Variants in LGSN observed in about 807,000 individuals in gnomAD.
LGSN encodes the protein lengsin, lens protein with glutamine synthetase domain.
LGSN carries 21 observed loss-of-function variants against 19.5 expected under a neutral mutation model. The observed-to-expected ratio is 1.07, with a 90% CI of 0.76 to 1.55. LGSN has a LOEUF of 1.55. Ranked by LOEUF, LGSN falls within the 40% of genes most tolerant of loss-of-function variation. The probability of loss-of-function intolerance (pLI) is 0.00; values close to 1 mark genes in which losing one functional copy is unlikely to be tolerated. For missense variants in LGSN, 673 were observed against 608.5 expected (o/e 1.11, Z -1.12); for synonymous variants, 257 against 215.6 (o/e 1.19, Z -1.68).
chr6:63,493,945 T>G, the LGSN span, among the ~76,000 whole-genome samples: 1 of 140,276 alleles, frequency 7.1e-6, no homozygotes, highest in Non-Finnish European at 1.5e-5. Context: ...AAAGAAGAAA[T>G]CATTTCTTTT....
chr6:63,474,255 G>A, the LGSN span, among the ~76,000 whole-genome samples: 4 of 152,164 alleles, frequency 2.6e-5, no homozygotes, highest in Non-Finnish European at 5.9e-5. Flanking sequence ...ATCACTATAT[G>A]TGGACAGCTG....
chr6:63,289,766 T>G (rs910133720), intron 2 of LGSN, among the ~76,000 whole-genome samples: 6 of 152,118 alleles, frequency 3.9e-5, no homozygotes, highest in African/African-American at 1.2e-4. Flanking sequence ...ATTGAAGAGA[T>G]GTTTGGGCTT....
At chr6:63,333,409 C>A in the LGSN span, among the ~76,000 whole-genome samples, 1 of 142,960 alleles carries the variant, frequency 7.0e-6, no homozygotes, top group Non-Finnish European at 1.5e-5. Context: ...ACCCTGGCAC[C>A]AAAACCAGGC....
the LGSN span, among the ~76,000 whole-genome samples, chr6:63,566,836 A>G: frequency 6.6e-6 from 1 of 152,200 alleles, no homozygotes; most frequent in Non-Finnish European, 1.5e-5. Context: ...CAAAGTTGCA[A>G]TCAGTCCTCT....
chr6:63,501,365 A>AG, the LGSN span, among the ~76,000 whole-genome samples: 1 of 150,906 alleles, frequency 6.6e-6, no homozygotes, highest in Non-Finnish European at 1.5e-5. Context: ...TTCGTCTCAA[A>AG]AAAAAAAAAA....
chr6:63,402,670 G>A, the LGSN span, among the ~76,000 whole-genome samples: 1 of 152,112 alleles, frequency 6.6e-6, no homozygotes, highest in African/African-American at 2.4e-5. Flanking sequence ...GTTAATAATT[G>A]AGCAATCTGG....
the LGSN span, among the ~76,000 whole-genome samples, chr6:63,367,363 G>A: frequency 3.3e-5 from 5 of 152,198 alleles, no homozygotes; most frequent in African/African-American, 1.2e-4. Context: ...CTGATCATCA[G>A]AGAAATGCAA....
rs1480028185 is a variant in LGSN at position 63,276,621 on chromosome 6, A to C, written c.*3400T>G. The C allele has an allele frequency of 2.0e-5, 3 of 152,184 alleles. No homozygotes were observed. Among genetic ancestry groups the C allele is most frequent in the Admixed American group, 2.0e-4 (3 of 15,282 alleles). 9.4% of individuals were successfully genotyped at this position (152,184 alleles called of 1,614,324 possible). ...TTTCCAAATAGCTTTTTTCAGCATT[A>C]GGTCTACAAAAAAAATTATTTATGT... is the stretch of plus-strand genomic sequence containing the variant. On this transcript the variant is annotated 3_prime_UTR_variant, in exon 4 of 4. Transcript: ENST00000370657.
the LGSN span, among the ~76,000 whole-genome samples, chr6:63,501,789 T>C: frequency 6.6e-6 from 1 of 152,162 alleles, no homozygotes; most frequent in African/African-American, 2.4e-5. Flanking sequence ...TAACAGAACA[T>C]TACTGTAAAT....
the LGSN span, among the ~76,000 whole-genome samples, chr6:63,432,159 A>G: frequency 2.5e-5 from 3 of 117,810 alleles, no homozygotes; most frequent in Non-Finnish European, 5.0e-5. Flanking sequence ...GAAAGAAAGA[A>G]AGAAAGAAAG....
chr6:63,476,741 G>C, the LGSN span, among the ~76,000 whole-genome samples: 1 of 152,232 alleles, frequency 6.6e-6, no homozygotes, highest in Non-Finnish European at 1.5e-5. Context: ...AGGAGACCCA[G>C]CCTTGGAAGT....
At chr6:63,425,838 T>C in the LGSN span, among the ~76,000 whole-genome samples, 5 of 152,096 alleles carry the variant, frequency 3.3e-5, no homozygotes, top group Middle Eastern at 3.4e-3. Flanking sequence ...AGAAATATAC[T>C]GTATCTTGAC....
chr6:63,455,507 C>T, the LGSN span, among the ~76,000 whole-genome samples: 1 of 152,212 alleles, frequency 6.6e-6, no homozygotes, highest in Non-Finnish European at 1.5e-5. Context: ...GTAATCCTAG[C>T]ACTTTGGGAG....
At chr6:63,302,900 G>A (rs1330547657) in intron 1 of LGSN, among the ~76,000 whole-genome samples, 1 of 152,136 alleles carries the variant, frequency 6.6e-6, no homozygotes, top group Non-Finnish European at 1.5e-5. Context: ...GCCGAGGTAG[G>A]TGGATCACTC....
chr6:63,391,903 C>T, the LGSN span, among the ~76,000 whole-genome samples: 10 of 152,140 alleles, frequency 6.6e-5, no homozygotes, highest in African/African-American at 1.2e-4. Flanking sequence ...CATGGGTTGA[C>T]GCACAGAGCA....
chr6:63,423,223 G>A, the LGSN span, among the ~76,000 whole-genome samples: 9 of 152,310 alleles, frequency 5.9e-5, no homozygotes, highest in East Asian at 3.9e-4. Flanking sequence ...GTGCCAATCC[G>A]TAGACCCAGC....
At chr6:63,444,127 G>A in the LGSN span, among the ~76,000 whole-genome samples, 5 of 152,024 alleles carry the variant, frequency 3.3e-5, no homozygotes, top group East Asian at 7.7e-4. Flanking sequence ...GATGCCTCTC[G>A]AGTCTTTATT....
chr6:63,300,337 T>C (rs1341539265), intron 1 of LGSN, among the ~76,000 whole-genome samples: 2 of 152,216 alleles, frequency 1.3e-5, no homozygotes, highest in African/African-American at 4.8e-5. Context: ...TTTTCAAAAT[T>C]ATTTTCAGAA....
chr6:63,340,601 G>A, the LGSN span, among the ~76,000 whole-genome samples: 1 of 144,780 alleles, frequency 6.9e-6, no homozygotes, highest in Non-Finnish European at 1.5e-5. Context: ...TTCATTTCCA[G>A]GATTTCTGTT....
Sources: gnomAD v4.1 joint callset for allele counts (sites outside exome capture counted in the v4.1 genomes callset) on GRCh38, gnomAD v4.1.1 for gene constraint, MANE v1.5 for transcripts, NCBI Gene and HGNC (gene_info 2026-07-23, HGNC 2026-07-21) for gene names.